RAPGEF1: variants seen among roughly 807,000 people sequenced by gnomAD.
RAPGEF1 encodes the protein CRK SH3-binding GNRP.
RAPGEF1 carries 33 observed loss-of-function variants against 143.3 expected under a neutral mutation model. The observed-to-expected ratio is 0.23, with a 90% CI of 0.17 to 0.31. The LOEUF is 0.31. Ranked by LOEUF, RAPGEF1 falls within the 10% of genes least tolerant of loss-of-function variation. The pLI is 1.00. For missense variants in RAPGEF1, 1,199 were observed against 1,645.4 expected, an observed-to-expected ratio of 0.73 and a Z score of 4.69; for synonymous variants, 629 against 676.5, an observed-to-expected ratio of 0.93 and a Z score of 1.09.
At chr9:131,632,363 G>A (rs1035185224) in intron 5 of RAPGEF1, among the ~76,000 whole-genome samples, 3 of 147,486 alleles carry the variant, frequency 2.0e-5, no homozygotes, top group South Asian at 2.1e-4. Context: ...TCCTGACCTC[G>A]TGATCCGCCC....
chr9:131,724,592 C>G (rs1290553247), intron 1 of RAPGEF1, among the ~76,000 whole-genome samples: 1 of 151,714 alleles, frequency 6.6e-6, no homozygotes, highest in South Asian at 2.1e-4. Context: ...GAGATTCCGG[C>G]TCAGAAAAAA....
At chr9:131,582,850 A>C (rs1952083536) in intron 24 of RAPGEF1, 148 bp from the exon 25 acceptor site, 2 of 628,110 alleles carry the variant, frequency 3.2e-6, no homozygotes, top group Non-Finnish European at 5.3e-6. Context: ...ACACCCAGCC[A>C]GGTGTGGGTC....
chr9:131,614,934 C>T (rs1164805187), intron 12 of RAPGEF1, among the ~76,000 whole-genome samples: 2 of 151,536 alleles, frequency 1.3e-5, no homozygotes, highest in Non-Finnish European at 2.9e-5. Context: ...TATCCAGATT[C>T]ATTCTGGAAG....
chr9:131,645,687 G>A (rs919345647), intron 3 of RAPGEF1, among the ~76,000 whole-genome samples: 1 of 152,248 alleles, frequency 6.6e-6, no homozygotes, highest in African/African-American at 2.4e-5. Context: ...CACTGGCTCG[G>A]ACTGGGGACT....
At chr9:131,702,075 C>T (rs1834694885) in intron 1 of RAPGEF1, among the ~76,000 whole-genome samples, 1 of 152,250 alleles carries the variant, frequency 6.6e-6, no homozygotes, top group African/African-American at 2.4e-5. Context: ...TTTAATGTAT[C>T]TATTTTCCTA....
intron 5 of RAPGEF1, among the ~76,000 whole-genome samples, chr9:131,632,516 A>C (rs1268899384): frequency 2.0e-5 from 3 of 152,218 alleles, no homozygotes; most frequent in Admixed American, 6.5e-5. Context: ...GTTATCACAG[A>C]ATATACATAA....
intron 17 of RAPGEF1, among the ~76,000 whole-genome samples, chr9:131,592,682 C>T (rs1436526933): frequency 3.3e-5 from 5 of 152,138 alleles, no homozygotes; most frequent in Non-Finnish European, 7.4e-5. Context: ...CAAAGAAAAT[C>T]GTCTGTTCAA....
chr9:131,702,695 C>A (rs1237654198), intron 1 of RAPGEF1, among the ~76,000 whole-genome samples: 1 of 152,172 alleles, frequency 6.6e-6, no homozygotes, highest in South Asian at 2.1e-4. Flanking sequence ...GAACTTTACA[C>A]TGGGAACTTA....
Position 131,596,376 on chromosome 9 carries a change from G to A in RAPGEF1, c.2614-3C>T. ...CGGACGTCCGGCCCGTCATCACCCT[G>A]TAATGAACACAGCCAAGGAAGGTAT... On this transcript the variant is annotated splice_region_variant and splice_polypyrimidine_tract_variant and intron_variant, in intron 16 of 26. Transcript: ENST00000683357. 6.2e-7 allele frequency: 1 copy of A among 1,613,960 alleles called. No homozygotes were observed. The highest frequency in any genetic ancestry group is 2.2e-5 in the East Asian group (1 of 44,886).
intron 12 of RAPGEF1, among the ~76,000 whole-genome samples, chr9:131,614,103 C>T (rs568084978): frequency 1.3e-5 from 2 of 152,114 alleles, no homozygotes; most frequent in Non-Finnish European, 2.9e-5. Flanking sequence ...CCATGTGGAC[C>T]GTGCAAAGGG....
At chr9:131,733,251 T>C (rs910887813) in intron 1 of RAPGEF1, among the ~76,000 whole-genome samples, 3 of 151,842 alleles carry the variant, frequency 2.0e-5, no homozygotes, top group Non-Finnish European at 2.9e-5. Flanking sequence ...CAAACCTAGA[T>C]GACGGGTTGA....
chr9:131,709,517 G>T, intron 1 of RAPGEF1: 1 of 1,031,498 alleles, frequency 9.7e-7, no homozygotes, highest in Non-Finnish European at 1.5e-6. Context: ...TTTCTGCTCT[G>T]GAAGGTGATT....
intron 10 of RAPGEF1, 69 bp downstream of exon 10, chr9:131,625,853 T>C: frequency 6.7e-7 from 1 of 1,493,810 alleles, no homozygotes; most frequent in African/African-American, 1.4e-5. Flanking sequence ...GGTCTAATGC[T>C]GAAATAAAAC....
intron 12 of RAPGEF1, among the ~76,000 whole-genome samples, chr9:131,614,974 T>C (rs1051166153): frequency 1.3e-5 from 2 of 152,228 alleles, no homozygotes; most frequent in African/African-American, 4.8e-5. Context: ...TTTCAACAGA[T>C]TTCTAGCACC....
intron 4 of RAPGEF1, among the ~76,000 whole-genome samples, chr9:131,642,722 G>A (rs1193132006): frequency 3.3e-5 from 5 of 152,090 alleles, no homozygotes; most frequent in Non-Finnish European, 7.4e-5. Context: ...TAACCCCCAA[G>A]GTCTAAGGTA....
At position 131,621,665 on chromosome 9, in the gene RAPGEF1, C is replaced by T; in HGVS notation, c.1905+131G>A. The T allele has an allele frequency of 1.1e-6, 1 of 928,986 alleles. No homozygotes were observed. The highest frequency in any genetic ancestry group is 1.6e-6 in the Non-Finnish European group (1 of 620,962). 57.5% of individuals were successfully genotyped at this position (928,986 alleles called of 1,614,324 possible). ...AAAGCATCTGTGTGGGAGATGGTGC[C>T]TTCCACGCCCAAAACCAGGGCCCTG... is the stretch of plus-strand genomic sequence containing the variant. On this transcript the variant is annotated intron_variant, in intron 11 of 26. Transcript: ENST00000683357. The surrounding 1 kb of genome is among the most constrained non-coding windows in gnomAD (Gnocchi z 4.5).
At chr9:131,731,154 C>T (rs961764280) in intron 1 of RAPGEF1, among the ~76,000 whole-genome samples, 2 of 152,186 alleles carry the variant, frequency 1.3e-5, no homozygotes, top group African/African-American at 2.4e-5. Flanking sequence ...TCTTAGTCTC[C>T]TCCTCTGTAG....
At position 131,579,328 on chromosome 9, in the gene RAPGEF1, G is replaced by A. The variant is rs78144311; in HGVS notation, c.*169C>T. 1.3e-3 allele frequency: 1,184 copies of A among 899,884 alleles called. 11 individuals are homozygous for A. In the African/African-American group the frequency reaches 0.018, roughly 14 times the overall value. The allele number at this position is 899,884 out of a possible 1,614,324, so 55.7% of individuals were successfully genotyped here. A position where few individuals can be genotyped will look rare whatever the true frequency, so the allele number is the denominator to read the frequency against. ...CTGCTCCCACAGAGGAAGGAGGCAG[G>A]AAGCGGCTGGCAGGCTCCAGCTCCC... On this transcript the variant is annotated 3_prime_UTR_variant, in exon 27 of 27. Transcript: ENST00000683357.
intron 1 of RAPGEF1, among the ~76,000 whole-genome samples, chr9:131,700,606 T>C (rs917295639): frequency 1.3e-5 from 2 of 152,158 alleles, no homozygotes; most frequent in African/African-American, 4.8e-5. Flanking sequence ...TGAACAAATA[T>C]AGAAACAATA....
Sources: allele counts gnomAD v4.1 joint callset (sites outside exome capture counted in the v4.1 genomes callset), GRCh38; gene constraint gnomAD v4.1.1; non-coding constraint Gnocchi (gnomAD v3.1); transcripts MANE v1.5; gene names NCBI Gene and HGNC (gene_info 2026-07-23, HGNC 2026-07-21).